The following PPM1B variants were observed in gnomAD, a reference collection of about 807,000 sequenced individuals.
PPM1B encodes the protein protein phosphatase 1B.
In PPM1B, 22 loss-of-function variants were observed where a neutral mutation model predicts 43.0. The ratio of observed to expected loss-of-function variants is 0.51; its 90% confidence interval spans 0.37 to 0.73. The LOEUF (loss-of-function observed/expected upper bound fraction) is 0.73, where lower values mean the gene tolerates loss of function less well. Among genes scored for constraint, PPM1B ranks in the 30% least tolerant of loss-of-function variants. The probability of loss-of-function intolerance (pLI) is 0.00; values close to 1 mark genes in which losing one functional copy is unlikely to be tolerated. For missense variants in PPM1B, 632 were observed against 584.2 expected, an observed-to-expected ratio of 1.08 and a Z score of -0.84; for synonymous variants, 217 against 197.9, an observed-to-expected ratio of 1.10 and a Z score of -0.81.
At chr2:44,171,738 G>A (rs1318797889) in intron 1 of PPM1B, among the ~76,000 whole-genome samples, 1 of 151,146 alleles carries the variant, frequency 6.6e-6, no homozygotes, top group Non-Finnish European at 1.5e-5. Flanking sequence ...GATGAGGCAG[G>A]AGAATCACTT....
intron 1 of PPM1B, among the ~76,000 whole-genome samples, chr2:44,198,322 G>C (rs1668761922): frequency 6.6e-6 from 1 of 151,848 alleles, no homozygotes; most frequent in Non-Finnish European, 1.5e-5. Flanking sequence ...CACCATGCCC[G>C]GCCAATTTTT....
intron 3 of PPM1B, among the ~76,000 whole-genome samples, chr2:44,217,045 T>G (rs1217982205): frequency 2.0e-5 from 3 of 150,988 alleles, no homozygotes; most frequent in Non-Finnish European, 4.4e-5. Context: ...GCGGGCAGAG[T>G]TGAAAGAGTA....
chr2:44,230,048 C>CT, intron 5 of PPM1B: 2 of 1,571,362 alleles, frequency 1.3e-6, no homozygotes, highest in East Asian at 4.5e-5. Context: ...TTTCCTACTG[C>CT]TTTAAACATT....
intron 1 of PPM1B, among the ~76,000 whole-genome samples, chr2:44,175,872 G>A (rs1171644972): frequency 1.4e-5 from 2 of 146,814 alleles, no homozygotes; most frequent in African/African-American, 5.1e-5. Context: ...TGCAACCTCC[G>A]CCTCCCAGGT....
At chr2:44,246,608 C>T (rs1346600775), downstream of PPM1B, among the ~76,000 whole-genome samples, 2 of 152,190 alleles carry the variant, frequency 1.3e-5, no homozygotes, top group African/African-American at 4.8e-5. Flanking sequence ...CACTTATCTG[C>T]TCATATTTCT....
intron 1 of PPM1B, among the ~76,000 whole-genome samples, chr2:44,169,514 G>A (rs1437411980): frequency 1.3e-5 from 2 of 152,242 alleles, no homozygotes; most frequent in African/African-American, 2.4e-5. Context: ...TGGGAGAGGC[G>A]CAGGGAGAGA....
At chr2:44,199,938 C>A (rs895440898) in intron 1 of PPM1B, among the ~76,000 whole-genome samples, 2 of 151,602 alleles carry the variant, frequency 1.3e-5, no homozygotes, top group Non-Finnish European at 2.9e-5. Flanking sequence ...AATGATCATA[C>A]CTGGAAAAAA....
At chr2:44,188,855 T>C (rs1322381578) in intron 1 of PPM1B, among the ~76,000 whole-genome samples, 1 of 149,406 alleles carries the variant, frequency 6.7e-6, no homozygotes, top group Non-Finnish European at 1.5e-5. Flanking sequence ...TTCTTTCTTT[T>C]ACTGGGATCA....
intron 5 of PPM1B, among the ~76,000 whole-genome samples, chr2:44,222,269 A>G (rs980770911): frequency 6.6e-6 from 1 of 152,096 alleles, no homozygotes; most frequent in African/African-American, 2.4e-5. Context: ...AGCTCAGTAA[A>G]TATTTTTTGA....
intron 1 of PPM1B, among the ~76,000 whole-genome samples, chr2:44,186,030 T>G (rs1400065027): frequency 1.3e-5 from 2 of 152,156 alleles, no homozygotes; most frequent in Non-Finnish European, 2.9e-5. Flanking sequence ...TGGGTGGAGT[T>G]GTTTTTCTTT....
At chr2:44,226,510 C>T (rs1186621138) in intron 5 of PPM1B, among the ~76,000 whole-genome samples, 1 of 152,104 alleles carries the variant, frequency 6.6e-6, no homozygotes, top group African/African-American at 2.4e-5. Context: ...TGATTCTCAA[C>T]CCTGGCTGTA....
chr2:44,200,071 A>T (rs1668862058), intron 1 of PPM1B, among the ~76,000 whole-genome samples: 1 of 152,218 alleles, frequency 6.6e-6, no homozygotes, highest in Non-Finnish European at 1.5e-5. Flanking sequence ...AAAAATCCTT[A>T]GGTGTGGGAA....
chr2:44,210,952 A>G (rs1669435445), intron 3 of PPM1B, among the ~76,000 whole-genome samples: 1 of 152,124 alleles, frequency 6.6e-6, no homozygotes, highest in Non-Finnish European at 1.5e-5. Flanking sequence ...CCTGGCCAAC[A>G]TGGTGAAATC....
intron 5 of PPM1B, chr2:44,230,153 T>TA: frequency 1.4e-6 from 2 of 1,436,952 alleles, no homozygotes; most frequent in Non-Finnish European, 1.8e-6. Context: ...AAAAGCTGAG[T>TA]AAATTTCAGA....
At position 44,177,148 on chromosome 2, in the gene PPM1B, G is replaced by C. The variant is rs145026848; in HGVS notation, c.-15+7874G>C. Among the ~76,000 whole-genome samples, 552 of 152,208 alleles carry C rather than the reference G, an allele frequency of 3.6e-3. 2 individuals carry two copies. Among genetic ancestry groups the C allele is most frequent in the African/African-American group, 0.013 (533 of 41,542 alleles). On this transcript the variant is annotated intron_variant, in intron 1 of 5. Transcript: ENST00000282412. The stretch of plus-strand genomic sequence containing the variant: ...AAAATGCTGATATGCAAGAGAACTT[G>C]AAATTTTGGAATATATTAAATTTAG...
intron 1 of PPM1B, among the ~76,000 whole-genome samples, chr2:44,175,369 C>T (rs959888151): frequency 6.6e-6 from 1 of 152,168 alleles, no homozygotes; most frequent in African/African-American, 2.4e-5. Context: ...TTACTCTGAG[C>T]TACCAACCCA....
At chr2:44,220,674 C>T (rs1459391425) in intron 5 of PPM1B, among the ~76,000 whole-genome samples, 1 of 152,166 alleles carries the variant, frequency 6.6e-6, no homozygotes, top group South Asian at 2.1e-4. Context: ...TATAAACACA[C>T]CTTAAATGAT....
chr2:44,169,652 T>C (rs572649992), intron 1 of PPM1B, among the ~76,000 whole-genome samples: 4 of 152,366 alleles, frequency 2.6e-5, no homozygotes, highest in Admixed American at 2.6e-4. Context: ...TCCTGGTGCA[T>C]GCCCTGTTTG....
chr2:44,200,899 G>T (rs1668901945), intron 1 of PPM1B, among the ~76,000 whole-genome samples: 1 of 152,138 alleles, frequency 6.6e-6, no homozygotes, highest in African/African-American at 2.4e-5. Context: ...GTCTCAACGT[G>T]GCTGCACATA....
Sources: allele counts gnomAD v4.1 joint callset (sites outside exome capture counted in the v4.1 genomes callset), GRCh38; gene constraint gnomAD v4.1.1; transcripts MANE v1.5; gene names NCBI Gene and HGNC (gene_info 2026-07-23, HGNC 2026-07-21).